ALG14: variants seen among roughly 807,000 people sequenced by gnomAD.
ALG14 encodes ALG14 UDP-N-acetylglucosaminyltransferase subunit, also known as UDP-N-acetylglucosamine transferase subunit ALG14.
Under a neutral mutation model 22.8 loss-of-function variants are expected in ALG14, and 17 were observed. The ratio of observed to expected loss-of-function variants is 0.75; its 90% CI spans 0.51 to 1.12. ALG14 has a LOEUF of 1.12. Ranked by LOEUF, ALG14 falls within the 50% of genes most tolerant of loss-of-function variation. ALG14 has a pLI of 0.00. For missense variants in ALG14, 288 were observed against 271.8 expected (o/e 1.06, Z -0.42); for synonymous variants, 89 against 103.7 (o/e 0.86, Z 0.86).
chr1:94,991,467 T>C (rs1672770027), intron 3 of ALG14, among the ~76,000 whole-genome samples: 1 of 152,118 alleles, frequency 6.6e-6, no homozygotes, highest in African/African-American at 2.4e-5. Flanking sequence ...GGTTAAATAT[T>C]TGTAGATCTA....
intron 3 of ALG14, among the ~76,000 whole-genome samples, chr1:95,009,778 G>A (rs1186874006): frequency 2.0e-5 from 3 of 152,126 alleles, no homozygotes; most frequent in African/African-American, 7.2e-5. Context: ...GGAAAGACTG[G>A]TAATAAAGTC....
chr1:95,070,986 C>T (rs958871011), intron 1 of ALG14, among the ~76,000 whole-genome samples: 5 of 152,170 alleles, frequency 3.3e-5, no homozygotes, highest in Non-Finnish European at 5.9e-5. Flanking sequence ...AGCAATCCGC[C>T]TGTATCGGCC....
intron 2 of ALG14, among the ~76,000 whole-genome samples, chr1:95,062,782 C>A (rs936044287): frequency 5.9e-5 from 9 of 152,166 alleles, no homozygotes; most frequent in African/African-American, 1.9e-4. Flanking sequence ...ATCTTTACAA[C>A]AGAATGATTT....
intron 3 of ALG14, among the ~76,000 whole-genome samples, chr1:94,995,209 GATTC>G (rs1672877493): frequency 6.6e-6 from 1 of 152,178 alleles, no homozygotes; most frequent in African/African-American, 2.4e-5. Flanking sequence ...AAGATGATCT[GATTC>G]ATTAATTCTG....
At chr1:95,037,233 G>A (rs1391718968) in intron 2 of ALG14, among the ~76,000 whole-genome samples, 1 of 152,114 alleles carries the variant, frequency 6.6e-6, no homozygotes, top group Non-Finnish European at 1.5e-5. Flanking sequence ...ACGGTTTGGT[G>A]GTATTTGCCT....
intron 2 of ALG14, among the ~76,000 whole-genome samples, chr1:95,039,329 G>C (rs1456801724): frequency 6.6e-6 from 1 of 152,160 alleles, no homozygotes; most frequent in Admixed American, 6.5e-5. Flanking sequence ...GACAGAAGGG[G>C]AGAGGGCACG....
At chr1:95,047,153 CA>C (rs1270892211) in intron 2 of ALG14, among the ~76,000 whole-genome samples, 2 of 151,906 alleles carry the variant, frequency 1.3e-5, no homozygotes, top group Non-Finnish European at 2.9e-5. Context: ...CTGCTCCTTC[CA>C]AAAAACACCC....
intron 3 of ALG14, among the ~76,000 whole-genome samples, chr1:95,016,670 T>C (rs1243279053): frequency 1.3e-5 from 2 of 152,154 alleles, no homozygotes; most frequent in African/African-American, 4.8e-5. Context: ...CTGTTTGCAA[T>C]AAGCCCACTG....
chr1:95,017,137 A>T (rs995960013), intron 3 of ALG14, among the ~76,000 whole-genome samples: 1 of 152,168 alleles, frequency 6.6e-6, no homozygotes, highest in Non-Finnish European at 1.5e-5. Context: ...ACAAGGCAGG[A>T]GGCCCTGATG....
At chr1:94,988,507 AG>A (rs1672694808) in intron 3 of ALG14, among the ~76,000 whole-genome samples, 2 of 152,182 alleles carry the variant, frequency 1.3e-5, no homozygotes, top group South Asian at 4.1e-4. Flanking sequence ...ACCAAAATAC[AG>A]GGCAGGGGAA....
At chr1:95,067,520 G>A (rs757326973) in intron 1 of ALG14, 1 of 152,122 alleles carries the variant, frequency 6.6e-6, no homozygotes, top group Admixed American at 6.5e-5. Flanking sequence ...ATTTAAACTT[G>A]TTACTGAATA....
Position 95,064,981 on chromosome 1 carries a change from C to T in ALG14, c.173G>A (p.Ser58Asn). The T allele has an allele frequency of 6.2e-7, 1 of 1,613,532 alleles. No homozygotes were observed. The highest frequency in any genetic ancestry group is 8.5e-7 in the Non-Finnish European group (1 of 1,179,700). ...TCTAGGTGAGTAGGCATTGGACAAG[C>T]TCCCAAGCAGCCTCAGGATCTCAGT... ...HTTEILRLLGSLSNAYSPRHY... is the reference protein window; with the variant it reads ...HTTEILRLLGNLSNAYSPRHY... Residue 58 changes from serine (S) to asparagine (N), a missense_variant, in exon 2 of 4, where the codon AGC becomes AAC. Physicochemically the swap from Ser to Asn is conservative, Grantham distance 46. Coordinates refer to ENST00000370205, the MANE Select transcript of ALG14 (RefSeq NM_144988.4).
chr1:94,993,433 T>C (rs950837821), intron 3 of ALG14, among the ~76,000 whole-genome samples: 1 of 147,536 alleles, frequency 6.8e-6, no homozygotes, highest in African/African-American at 2.5e-5. Context: ...TACATATTTA[T>C]ATACATTTAT....
intron 2 of ALG14, among the ~76,000 whole-genome samples, chr1:95,060,465 C>T (rs1403210882): frequency 6.6e-6 from 1 of 151,948 alleles, no homozygotes; most frequent in African/African-American, 2.4e-5. Flanking sequence ...GCCTGTAATC[C>T]CAGCACTTTG....
intron 1 of ALG14, among the ~76,000 whole-genome samples, chr1:95,072,445 G>A (rs1675595985): frequency 6.6e-6 from 1 of 152,170 alleles, no homozygotes. Context: ...ATGCACAACA[G>A]CCATACGGGG....
intron 2 of ALG14, among the ~76,000 whole-genome samples, chr1:95,058,703 A>T (rs899121543): frequency 6.6e-6 from 1 of 151,794 alleles, no homozygotes; most frequent in Admixed American, 6.6e-5. Flanking sequence ...AAAAAAAAAA[A>T]ATACTGAAGG....
intron 3 of ALG14, among the ~76,000 whole-genome samples, chr1:95,024,213 G>A (rs920525267): frequency 6.6e-6 from 1 of 152,078 alleles, no homozygotes; most frequent in South Asian, 2.1e-4. Context: ...TCCTGACCTC[G>A]TGATCCGCCC....
chr1:95,040,735 A>C (rs1452279576), intron 2 of ALG14, among the ~76,000 whole-genome samples: 2 of 152,202 alleles, frequency 1.3e-5, no homozygotes, highest in Non-Finnish European at 2.9e-5. Flanking sequence ...TTAAAACCAA[A>C]CATTGGTGAT....
At chr1:95,058,551 A>C (rs1354620561) in intron 2 of ALG14, among the ~76,000 whole-genome samples, 1 of 144,800 alleles carries the variant, frequency 6.9e-6, no homozygotes, top group East Asian at 2.4e-4. Context: ...CAGGAAGTGG[A>C]GGTTGTAGTG....
Sources: gnomAD v4.1 joint callset for allele counts (sites outside exome capture counted in the v4.1 genomes callset) on GRCh38, gnomAD v4.1.1 for gene constraint, MANE v1.5 for transcripts, NCBI Gene and HGNC (gene_info 2026-07-23, HGNC 2026-07-21) for gene names.